MINDY4B: variants seen among roughly 807,000 people sequenced by gnomAD.
MINDY4B encodes the protein inactive ubiquitin carboxyl-terminal hydrolase MINDY-4B.
MINDY4B carries 25 observed loss-of-function variants against 16.7 expected under a neutral mutation model. The observed-to-expected ratio is 1.49, with a 90% CI of 1.09 to 2.09. The LOEUF is 2.09. Ranked by LOEUF, MINDY4B falls within the 30% of genes most tolerant of loss-of-function variation. The pLI, the probability that MINDY4B is intolerant of heterozygous loss-of-function variation, is 0.00. For synonymous variants in MINDY4B, 132 were observed against 61.9 expected (o/e 2.13, Z -5.32); for missense variants, 327 against 168.4 (o/e 1.94, Z -5.21).
rs562471299 is a variant in MINDY4B at position 150,887,775 on chromosome 3, T to G, written c.754-2337A>C. Among the ~76,000 whole-genome samples the G allele has an allele frequency of 3.9e-5, 6 of 152,336 alleles. No homozygotes were observed. In the East Asian group the frequency reaches 9.6e-4, roughly 24 times the overall value. ...GTTAAAACAATAGGAATGTATTCTCTCACAGTTTGGGAAGCTAGAAGTCTG... is the reference window on the plus strand; with the variant it reads ...GTTAAAACAATAGGAATGTATTCTCGCACAGTTTGGGAAGCTAGAAGTCTG... On this transcript the variant is annotated intron_variant, in intron 7 of 11. Coordinates refer to ENST00000465419, the MANE Select transcript of MINDY4B (RefSeq NM_001351281.2).
At chr3:150,881,117 T>A (rs1711518219) in intron 10 of MINDY4B, among the ~76,000 whole-genome samples, 1 of 152,224 alleles carries the variant, frequency 6.6e-6, no homozygotes, top group Non-Finnish European at 1.5e-5. Context: ...AGGCAGTGGC[T>A]CACGCCTGTA....
chr3:150,883,156 AAAG>A, intron 9 of MINDY4B, 98 bp from the exon 10 acceptor site: 1 of 579,330 alleles, frequency 1.7e-6, no homozygotes, highest in Non-Finnish European at 3.1e-6. Flanking sequence ...TTTTTAGTGA[AAAG>A]AATGAAATCA....
intron 3 of MINDY4B, among the ~76,000 whole-genome samples, chr3:150,902,232 GCTGGTC>G (rs143829050): frequency 0.012 from 1,877 of 152,262 alleles, 36 homozygotes; most frequent in African/African-American, 0.042. Context: ...AGATGCCTAG[GCTGGTC>G]CTGGGTTGTT....
chr3:150,888,888 A>G (rs1345083), intron 7 of MINDY4B, among the ~76,000 whole-genome samples: 16,755 of 152,098 alleles, frequency 0.11, 3,126 homozygotes, highest in African/African-American at 0.38. Context: ...GGTTCTTCCT[A>G]TGGCATAAGA....
At chr3:150,894,333 A>G (rs201244371) in intron 3 of MINDY4B, 28 bp from the exon 4 acceptor site, 1,061 of 677,886 alleles carry the variant, frequency 1.6e-3, no homozygotes, top group Non-Finnish European at 2.4e-3. Flanking sequence ...AAATGATTCA[A>G]CAAAAGAGAA....
chr3:150,873,328 GC>G lies in MINDY4B; in HGVS notation c.1098del (p.Trp366CysfsTer48). The G allele has an allele frequency of 1.4e-6, 1 of 702,800 alleles. No homozygotes were observed. The highest frequency in any genetic ancestry group is 2.0e-5 in the Admixed American group (1 of 49,998). The allele number at this position is 702,800 out of a possible 1,614,324, so 43.5% of individuals were successfully genotyped here. On this transcript the variant is annotated frameshift_variant, in exon 11 of 12. Coordinates refer to ENST00000465419, the MANE Select transcript of MINDY4B (RefSeq NM_001351281.2). LOFTEE classifies it high-confidence loss of function. Reference sequence around the variant, plus strand: ...CTGTAATTTCCATTGATGTTGCACAGCCAAATAGGTAATTTGGGAGTCTTCA... The same window carrying G: ...CTGTAATTTCCATTGATGTTGCACAGCAAATAGGTAATTTGGGAGTCTTCA... The part of the protein sequence containing the change: ...SMLKTPKLPI[W>X]LCNINGNYSI...
chr3:150,901,606 C>T (rs1011461399), intron 3 of MINDY4B: 2 of 150,986 alleles, frequency 1.3e-5, no homozygotes, highest in Non-Finnish European at 2.9e-5. Flanking sequence ...ACTGCAACCT[C>T]TGCGTCCTGG....
chr3:150,885,114 A>G (rs1449426791), intron 8 of MINDY4B, among the ~76,000 whole-genome samples: 1 of 152,252 alleles, frequency 6.6e-6, no homozygotes. Flanking sequence ...GTTGTCCACC[A>G]ATATTTACAG....
In MINDY4B at chr3:150,870,473, A is replaced by G. The variant is rs1458089729; in HGVS notation, c.*572T>C. 6.6e-6 allele frequency among the ~76,000 whole-genome samples: 1 copy of G among 152,236 alleles called. No individual in the cohort carries two copies. Among genetic ancestry groups the G allele is most frequent in the Non-Finnish European group, 1.5e-5 (1 of 68,040 alleles). ...TACTGAAACCCACATGTCAACTGCT[A>G]TAGCTGTCAGCCTACCAGGAATAAC... On this transcript the variant is annotated 3_prime_UTR_variant, in exon 12 of 12. Coordinates refer to ENST00000465419, the MANE Select transcript of MINDY4B (RefSeq NM_001351281.2).
At chr3:150,891,312 G>A (rs1219424694) in intron 5 of MINDY4B, among the ~76,000 whole-genome samples, 5 of 152,202 alleles carry the variant, frequency 3.3e-5, no homozygotes, top group Non-Finnish European at 7.4e-5. Flanking sequence ...AGAAGTGGGA[G>A]CCAGTCTTTA....
intron 3 of MINDY4B, among the ~76,000 whole-genome samples, chr3:150,897,279 G>A (rs1711997143): frequency 6.6e-6 from 1 of 151,482 alleles, no homozygotes; most frequent in African/African-American, 2.4e-5. Flanking sequence ...TCAGTACCTG[G>A]GGTGTCCCTA....
At position 150,899,347 on chromosome 3, in the gene MINDY4B, G is replaced by A. The variant is rs200368716; in HGVS notation, c.309+3902C>T. On this transcript the variant is annotated intron_variant, in intron 3 of 11. Coordinates refer to ENST00000465419, the MANE Select transcript of MINDY4B (RefSeq NM_001351281.2). ...TCTCAAGTCAGATAATTAATTTGAG[G>A]AACATTTAAGACAGAGACTATTTAT... 3.3e-4 allele frequency among the ~76,000 whole-genome samples: 51 copies of A among 152,276 alleles called. No homozygotes were observed. In the East Asian group the frequency reaches 8.7e-3, roughly 26 times the overall value.
At chr3:150,880,857 C>A (rs1711515938) in intron 10 of MINDY4B, among the ~76,000 whole-genome samples, 1 of 152,144 alleles carries the variant, frequency 6.6e-6, no homozygotes, top group South Asian at 2.1e-4. Context: ...AGACCACGGA[C>A]ACCAAGTGAC....
At chr3:150,904,969 A>G (rs773292615) in intron 2 of MINDY4B, 93 bp downstream of exon 2, 1 of 398,132 alleles carries the variant, frequency 2.5e-6, no homozygotes, top group Non-Finnish European at 4.4e-6. Flanking sequence ...GAGTGACATT[A>G]TGTGCAAAGA....
intron 7 of MINDY4B, among the ~76,000 whole-genome samples, 192 bp from the exon 8 acceptor site, chr3:150,885,630 A>G (rs1034924767): frequency 6.6e-6 from 1 of 152,140 alleles, no homozygotes; most frequent in South Asian, 2.1e-4. Flanking sequence ...ATGCCTGTCA[A>G]TGGTGCTGTC....
At chr3:150,898,467 G>A (rs1285770970) in intron 3 of MINDY4B, among the ~76,000 whole-genome samples, 2 of 152,134 alleles carry the variant, frequency 1.3e-5, no homozygotes, top group Non-Finnish European at 2.9e-5. Context: ...AGTTCTCTCT[G>A]GCCAGGCCCC....
intron 8 of MINDY4B, 79 bp from the exon 9 acceptor site, chr3:150,883,851 C>A (rs999895094): frequency 1.4e-6 from 1 of 690,418 alleles, no homozygotes; most frequent in Admixed American, 2.1e-5. Context: ...CCCCAAAACA[C>A]AAAGCAGCAG....
intron 8 of MINDY4B, among the ~76,000 whole-genome samples, chr3:150,884,139 C>T (rs928987532): frequency 6.6e-6 from 1 of 152,194 alleles, no homozygotes; most frequent in Admixed American, 6.5e-5. Flanking sequence ...TGGTTCAAGG[C>T]AGATCTCAAC....
At position 150,885,445 on chromosome 3, in the gene MINDY4B, GGAAAA is replaced by G. The variant is rs756667291; in HGVS notation, c.754-12_754-8del. The stretch of plus-strand genomic sequence containing the variant: ...GGCTTCCTTCCCCTCTGAACTGTTC[GGAAAA>G]GAAAAGAAAAGCATGTTGGTCTAAA... On this transcript the variant is annotated splice_region_variant and splice_polypyrimidine_tract_variant and intron_variant, in intron 7 of 11. Coordinates refer to ENST00000465419, the MANE Select transcript of MINDY4B (RefSeq NM_001351281.2). The G allele has an allele frequency of 1.6e-6, 1 of 640,538 alleles. No individual in the cohort carries two copies. The highest frequency in any genetic ancestry group is 2.8e-6 in the Non-Finnish European group (1 of 357,790). 39.7% of individuals were successfully genotyped at this position (640,538 alleles called of 1,614,324 possible). A position where few individuals can be genotyped will look rare whatever the true frequency, so the allele number is the denominator to read the frequency against.
Sources: gnomAD v4.1 joint callset for allele counts (sites outside exome capture counted in the v4.1 genomes callset) on GRCh38, gnomAD v4.1.1 for gene constraint, MANE v1.5 for transcripts, NCBI Gene and HGNC (gene_info 2026-07-23, HGNC 2026-07-21) for gene names.